The following TFB2M variants were observed in gnomAD, a reference collection of about 807,000 sequenced individuals.
The protein encoded by TFB2M is dimethyladenosine transferase 2, mitochondrial.
In TFB2M, 44 loss-of-function variants were observed where a neutral mutation model predicts 41.3. The observed-to-expected ratio is 1.07, with a 90% CI of 0.84 to 1.37. TFB2M has a LOEUF of 1.37. Among genes scored for constraint, TFB2M ranks in the 40% most tolerant of loss-of-function variants. TFB2M has a pLI of 0.00. For missense variants in TFB2M, 496 were observed against 490.2 expected, an observed-to-expected ratio of 1.01 and a Z score of -0.11; for synonymous variants, 188 against 176.8, an observed-to-expected ratio of 1.06 and a Z score of -0.50.
intron 2 of TFB2M, among the ~76,000 whole-genome samples, chr1:246,559,150 A>G (rs1490325746): frequency 6.6e-6 from 1 of 151,998 alleles, no homozygotes; most frequent in Non-Finnish European, 1.5e-5. Context: ...GAGTCTCACT[A>G]TGTCCCCAGG....
chr1:246,557,474 C>T lies in TFB2M; in HGVS notation c.463G>A (p.Asp155Asn). 6.2e-7 allele frequency: 1 copy of T among 1,613,372 alleles called. No homozygotes were observed. The highest frequency in any genetic ancestry group is 1.7e-4 in the Middle Eastern group (1 of 6,060). Residue 155 changes from aspartate to asparagine, a missense_variant, in exon 3 of 8, where the codon GAT (aspartate) becomes AAT (asparagine). Physicochemically the swap from Asp to Asn is conservative, Grantham distance 23. Transcript: ENST00000366514. ...TTTATTACTCCACCACTTCTAGGAT[C>T]TAGTTTAAAGAAGTCACAGTGAATC... ...RVIHCDFFKL[D>N]PRSGGVIKPP...
chr1:246,556,589 C>T lies in TFB2M; in HGVS notation c.689G>A (p.Gly230Asp). ...ATAACATACCTGGAATTCTTTTTCA[C>T]CAATAAACATATTTACTTCTATTCG... ...FGRIEVNMFI[G>D]EKEFQKLMAD... The change falls in exon 4 of 8, where the codon GGT (glycine) becomes GAT (aspartate). Residue 230 changes from glycine to aspartate, a missense_variant. Coordinates refer to ENST00000366514, the MANE Select transcript of TFB2M (RefSeq NM_022366.3). The T allele has an allele frequency of 6.6e-7, 1 of 1,515,282 alleles. No individual in the cohort carries two copies. The highest frequency in any genetic ancestry group is 8.8e-7 in the Non-Finnish European group (1 of 1,130,134). 93.9% of individuals were successfully genotyped at this position (1,515,282 alleles called of 1,614,324 possible). A position where few individuals can be genotyped will look rare whatever the true frequency, so the allele number is the denominator to read the frequency against.
chr1:246,559,641 G>A lies in TFB2M; in HGVS notation c.403-2107C>T, dbSNP rs77132548. ...CTAGAGGAAGGGAAAGACTGGGGGT[G>A]GAAATCATACACATTTGGTCACATT... On this transcript the variant is annotated intron_variant, in intron 2 of 7. Coordinates refer to ENST00000366514, the MANE Select transcript of TFB2M (RefSeq NM_022366.3). Among the ~76,000 whole-genome samples, 809 of 152,254 alleles carry A rather than the reference G, an allele frequency of 5.3e-3. 9 individuals carry two copies. The highest frequency in any genetic ancestry group is 0.018 in the African/African-American group (753 of 41,552).
intron 6 of TFB2M, among the ~76,000 whole-genome samples, chr1:246,545,816 A>G (rs1475989500): frequency 6.7e-6 from 1 of 149,112 alleles, no homozygotes; most frequent in Non-Finnish European, 1.5e-5. Flanking sequence ...TGATTCGAAA[A>G]AAAAAAAAAA....
chr1:246,548,407 G>A, intron 6 of TFB2M, 138 bp downstream of exon 6: 1 of 643,356 alleles, frequency 1.6e-6, no homozygotes, highest in Non-Finnish European at 2.5e-6. Flanking sequence ...ATTAAAAGTA[G>A]TAAGATATGT....
Position 246,546,983 on chromosome 1 carries a change from A to ACACACACACACACTT in TFB2M, c.858+1561_858+1562insAAGTGTGTGTGTGTG, listed in dbSNP as rs764498048. On this transcript the variant is annotated intron_variant, in intron 6 of 7. Coordinates refer to ENST00000366514, the MANE Select transcript of TFB2M (RefSeq NM_022366.3). ...TGTATATATACACACACACACACAC[A>ACACACACACACACTT]TTTTTTTTTTTTTTTTTTGAGACAA... Among the ~76,000 whole-genome samples, 37 of 127,170 alleles carry ACACACACACACACTT rather than the reference A, an allele frequency of 2.9e-4. 1 individual carries two copies. The highest frequency in any genetic ancestry group is 4.0e-4 in the Non-Finnish European group (24 of 60,566). The allele number at this position is 127,170 out of a possible 152,430, so 83.4% of individuals were successfully genotyped here.
Position 246,544,606 on chromosome 1 carries a change from A to C in TFB2M, c.934T>G (p.Leu312Val). The C allele has an allele frequency of 6.2e-7, 1 of 1,610,728 alleles. No homozygotes were observed. Among genetic ancestry groups the C allele is most frequent in the Non-Finnish European group, 8.5e-7 (1 of 1,179,174 alleles). Reference protein sequence around the residue: ...IPRQNLFTKNLTPMNYNIFFH... With the variant: ...IPRQNLFTKNVTPMNYNIFFH... ...AATATATTATAGTTCATAGGTGTTA[A>C]GTTCTTGGTAAATAAATTTTGACGA... Residue 312 changes from leucine (L) to valine (V), a missense_variant, in exon 7 of 8, where the codon TTA (leucine) becomes GTA (valine). Coordinates refer to ENST00000366514, the MANE Select transcript of TFB2M (RefSeq NM_022366.3).
At position 246,545,009 on chromosome 1, in the gene TFB2M, G is replaced by T. The variant is rs544251630; in HGVS notation, c.859-328C>A. Among the ~76,000 whole-genome samples the T allele has an allele frequency of 2.4e-3, 364 of 151,942 alleles. 1 individual carries two copies. The highest frequency in any genetic ancestry group is 4.2e-3 in the Non-Finnish European group (288 of 67,944). On this transcript the variant is annotated intron_variant, in intron 6 of 7. Transcript: ENST00000366514. ...TTTAGTAGAGATGGGGTTTCACCGT[G>T]TTAGCCAGGATGGTCTCGATCTCCT...
At chr1:246,558,895 T>G (rs967383354) in intron 2 of TFB2M, among the ~76,000 whole-genome samples, 1 of 145,574 alleles carries the variant, frequency 6.9e-6, no homozygotes, top group Non-Finnish European at 1.5e-5. Flanking sequence ...GAATCAGTTA[T>G]AGACTCCATA....
intron 6 of TFB2M, among the ~76,000 whole-genome samples, 156 bp from the exon 7 acceptor site, chr1:246,544,837 A>G (rs574366414): frequency 1.6e-4 from 25 of 152,160 alleles, no homozygotes; most frequent in Non-Finnish European, 2.6e-4. Context: ...ATAGAGTCTC[A>G]CTCTGTCGCC....
At chr1:246,554,626 AT>A in intron 4 of TFB2M, among the ~76,000 whole-genome samples, 1 of 152,194 alleles carries the variant, frequency 6.6e-6, no homozygotes, top group East Asian at 1.9e-4. Flanking sequence ...CTGATTCTAC[AT>A]TATGGTGAGT....
chr1:246,559,015 G>A (rs1315536181), intron 2 of TFB2M, among the ~76,000 whole-genome samples: 1 of 151,980 alleles, frequency 6.6e-6, no homozygotes, highest in Non-Finnish European at 1.5e-5. Flanking sequence ...TATTAAGGTT[G>A]GAAATGATGT....
Position 246,540,980 on chromosome 1 carries a change from T to C in TFB2M, c.*51A>G. ...TGAGTTTTCAAATTTGGTTTTCATGTCATAGTTTCCAAATAAATGAACCGC... is the reference window on the plus strand; with the variant it reads ...TGAGTTTTCAAATTTGGTTTTCATGCCATAGTTTCCAAATAAATGAACCGC... On this transcript the variant is annotated 3_prime_UTR_variant, in exon 8 of 8. Coordinates refer to ENST00000366514, the MANE Select transcript of TFB2M (RefSeq NM_022366.3). 1 of 1,555,106 alleles carries C rather than the reference T, an allele frequency of 6.4e-7. No homozygotes were observed. The highest frequency in any genetic ancestry group is 8.7e-7 in the Non-Finnish European group (1 of 1,151,734).
At position 246,555,814 on chromosome 1, in the gene TFB2M, A is replaced by G. The variant is rs562272878; in HGVS notation, c.705+759T>C. ...ATACAATAGATTTTTTTTTTGAGACAAAGTCTTGCTCTGTTGCCCAGGCTG... is the reference window on the plus strand; with the variant it reads ...ATACAATAGATTTTTTTTTTGAGACGAAGTCTTGCTCTGTTGCCCAGGCTG... On this transcript the variant is annotated intron_variant, in intron 4 of 7. Coordinates refer to ENST00000366514, the MANE Select transcript of TFB2M (RefSeq NM_022366.3). 2.0e-5 allele frequency among the ~76,000 whole-genome samples: 3 copies of G among 151,900 alleles called. No homozygotes were observed. The East Asian group carries it at 5.9e-4, about 30-fold the overall frequency.
At chr1:246,548,688 C>T (rs369340826) in intron 5 of TFB2M, 81 bp from the exon 6 acceptor site, 21 of 1,295,762 alleles carry the variant, frequency 1.6e-5, no homozygotes, top group South Asian at 1.6e-4. Flanking sequence ...CCTTAAAAAA[C>T]ACCTTGCCTA....
In TFB2M at chr1:246,565,825, C is replaced by T; in HGVS notation, c.313+1G>A. The stretch of plus-strand genomic sequence containing the variant: ...AGAAAATGCAATTCAGCTGGACTCA[C>T]CTGGATTGCACTCCAGCAGTAGGTG... On this transcript the variant is annotated splice_donor_variant, in intron 1 of 7. Coordinates refer to ENST00000366514, the MANE Select transcript of TFB2M (RefSeq NM_022366.3). LOFTEE classifies it high-confidence loss of function. 1 of 1,597,242 alleles carries T rather than the reference C, an allele frequency of 6.3e-7. No homozygotes were observed. Among genetic ancestry groups the T allele is most frequent in the Non-Finnish European group, 8.6e-7 (1 of 1,165,748 alleles).
intron 4 of TFB2M, among the ~76,000 whole-genome samples, chr1:246,553,352 C>T (rs1558512096): frequency 6.6e-6 from 1 of 152,126 alleles, no homozygotes; most frequent in Non-Finnish European, 1.5e-5. Flanking sequence ...CCAAAAGTAA[C>T]TTAAAAGCTA....
At chr1:246,547,062 CAA>C (rs2102984593) in intron 6 of TFB2M, among the ~76,000 whole-genome samples, 1 of 150,304 alleles carries the variant, frequency 6.7e-6, no homozygotes, top group African/African-American at 2.5e-5. Flanking sequence ...CAGCTCACTG[CAA>C]ACTCTGCCTC....
Position 246,565,947 on chromosome 1 carries a change from C to A in TFB2M, c.192G>T (p.Ala64=). 1 of 1,614,228 alleles carries A rather than the reference C, an allele frequency of 6.2e-7. No homozygotes were observed. Among genetic ancestry groups the A allele is most frequent in the South Asian group, 1.1e-5 (1 of 91,086 alleles). The change falls in exon 1 of 8, where the codon GCG becomes GCT. Residue 64 remains alanine (A), a synonymous_variant. Coordinates refer to ENST00000366514, the MANE Select transcript of TFB2M (RefSeq NM_022366.3). The part of the protein sequence containing the change: ...EPDFRNPPRK[A]SKASLDFKRY... ...GCTTAAAGTCTAAGCTGGCCTTAGA[C>A]GCCTTCCTTGGCGGATTCCTGAAAT...
Sources: allele counts gnomAD v4.1 joint callset (sites outside exome capture counted in the v4.1 genomes callset), GRCh38; gene constraint gnomAD v4.1.1; transcripts MANE v1.5; gene names NCBI Gene and HGNC (gene_info 2026-07-23, HGNC 2026-07-21).